BLTP1: variants seen among roughly 807,000 people sequenced by gnomAD.
BLTP1 encodes fragile site-associated protein.
At chr4:122,204,144 G>T in the BLTP1 span, among the ~76,000 whole-genome samples, 3 of 151,604 alleles carry the variant, frequency 2.0e-5, no homozygotes, top group Non-Finnish European at 4.4e-5. Flanking sequence ...CAAGTACATT[G>T]GCATGTGTAC....
chr4:122,287,056 A>G, the BLTP1 span, among the ~76,000 whole-genome samples: 1 of 152,188 alleles, frequency 6.6e-6, no homozygotes, highest in East Asian at 1.9e-4. Flanking sequence ...TTCATAGTTC[A>G]AATGATTATT....
chr4:122,332,685 G>T, the BLTP1 span, among the ~76,000 whole-genome samples: 2 of 143,256 alleles, frequency 1.4e-5, no homozygotes, highest in African/African-American at 5.2e-5. Context: ...CATTGTGCAG[G>T]TTAGTTACAT....
At chr4:122,318,038 G>A in the BLTP1 span, 1 of 1,198,874 alleles carries the variant, frequency 8.3e-7, no homozygotes, top group Non-Finnish European at 1.1e-6. Flanking sequence ...TGGCTTGTCT[G>A]TATATAATCA....
chr4:122,306,968 T>C, the BLTP1 span, among the ~76,000 whole-genome samples: 2 of 152,106 alleles, frequency 1.3e-5, no homozygotes, highest in Non-Finnish European at 2.9e-5. Context: ...TGTTTTTCAG[T>C]TCTCATTTTA....
At chr4:122,249,666 A>C in the BLTP1 span, 2 of 1,613,626 alleles carry the variant, frequency 1.2e-6, no homozygotes, top group Non-Finnish European at 1.7e-6. Flanking sequence ...GTGGACTTGA[A>C]AATTTAACCA....
chr4:122,178,940 C>T, the BLTP1 span, among the ~76,000 whole-genome samples: 1 of 151,958 alleles, frequency 6.6e-6, no homozygotes, highest in Non-Finnish European at 1.5e-5. Flanking sequence ...CAAAAATCAC[C>T]TTAGAAAAGT....
chr4:122,341,495 A>G, the BLTP1 span, among the ~76,000 whole-genome samples: 4 of 152,196 alleles, frequency 2.6e-5, no homozygotes, highest in Non-Finnish European at 5.9e-5. Flanking sequence ...AATGTCATAA[A>G]TTATTAGCAC....
the BLTP1 span, among the ~76,000 whole-genome samples, chr4:122,302,698 A>G: frequency 2.6e-5 from 4 of 152,206 alleles, no homozygotes; most frequent in African/African-American, 9.7e-5. Context: ...GCAAAGGTGA[A>G]GTTCTTAAAC....
chr4:122,346,902 T>C, the BLTP1 span: 4 of 1,403,568 alleles, frequency 2.8e-6, no homozygotes, highest in Admixed American at 7.5e-5. Flanking sequence ...CCCTCTAATA[T>C]GCCAACCACA....
chr4:122,238,215 CAGAAG>C, the BLTP1 span: 1 of 1,613,414 alleles, frequency 6.2e-7, no homozygotes. Context: ...TCCTCTTCCT[CAGAAG>C]AGAACAGTAG....
At chr4:122,331,457 A>G in the BLTP1 span, 7 of 1,612,068 alleles carry the variant, frequency 4.3e-6, no homozygotes, top group Non-Finnish European at 5.9e-6. Flanking sequence ...TTTGAACTTG[A>G]TATACGGGTT....
the BLTP1 span, chr4:122,352,815 T>C: frequency 2.6e-6 from 4 of 1,511,300 alleles, no homozygotes; most frequent in African/African-American, 4.2e-5. Context: ...CCTGAGACTG[T>C]AGAAAGTAGC....
the BLTP1 span, among the ~76,000 whole-genome samples, chr4:122,221,611 A>G: frequency 6.6e-6 from 1 of 152,150 alleles, no homozygotes; most frequent in African/African-American, 2.4e-5. Flanking sequence ...ATGAAGATAC[A>G]GAACTATTCT....
chr4:122,299,859 A>G, the BLTP1 span: 5 of 984,878 alleles, frequency 5.1e-6, no homozygotes, highest in Non-Finnish European at 6.0e-6. Context: ...TTATAAGTTG[A>G]AGAAAAGAAA....
chr4:122,277,687 G>A, the BLTP1 span: 2 of 981,512 alleles, frequency 2.0e-6, no homozygotes, highest in Non-Finnish European at 2.4e-6. Flanking sequence ...ACCACTCACT[G>A]AAAATGAAAA....
the BLTP1 span, among the ~76,000 whole-genome samples, chr4:122,156,496 A>T: frequency 6.6e-6 from 1 of 152,224 alleles, no homozygotes; most frequent in Non-Finnish European, 1.5e-5. Context: ...GAGGACAACT[A>T]AAGTATCCAT....
At chr4:122,297,003 G>A in the BLTP1 span, among the ~76,000 whole-genome samples, 3 of 152,082 alleles carry the variant, frequency 2.0e-5, no homozygotes, top group Admixed American at 2.0e-4. Flanking sequence ...TTAGGACATA[G>A]GCACCAGCAA....
the BLTP1 span, chr4:122,291,965 AG>A: frequency 7.1e-5 from 12 of 169,426 alleles, no homozygotes; most frequent in South Asian, 2.0e-4. Flanking sequence ...TGCATCAAAC[AG>A]TTTTTTTTTT....
the BLTP1 span, chr4:122,347,370 C>G: frequency 7.8e-7 from 1 of 1,287,866 alleles, no homozygotes; most frequent in South Asian, 1.6e-5. Flanking sequence ...ATGTTCTTTG[C>G]AAACTGTAAA....
Sources: gnomAD v4.1 joint callset for allele counts (sites outside exome capture counted in the v4.1 genomes callset) on GRCh38, gnomAD v4.1.1 for gene constraint, MANE v1.5 for transcripts, NCBI Gene and HGNC (gene_info 2026-07-23, HGNC 2026-07-21) for gene names.